Variants in PSD3 observed in about 807,000 individuals in gnomAD.
PSD3 encodes the protein PH and SEC7 domain-containing protein 3.
PSD3 carries 49 observed loss-of-function variants against 105.5 expected under a neutral mutation model. The ratio of observed to expected loss-of-function variants is 0.46; its 90% CI spans 0.37 to 0.59. The LOEUF (loss-of-function observed/expected upper bound fraction) is 0.59, where lower values mean the gene tolerates loss of function less well. Among genes scored for constraint, PSD3 ranks in the 20% least tolerant of loss-of-function variants. PSD3 has a pLI of 0.00. For missense variants in PSD3, 1,561 were observed against 1,263.8 expected, an observed-to-expected ratio of 1.24 and a Z score of -3.57; for synonymous variants, 557 against 457.8, an observed-to-expected ratio of 1.22 and a Z score of -2.77.
intron 8 of PSD3, among the ~76,000 whole-genome samples, chr8:18,778,729 A>G (rs991654460): frequency 6.6e-6 from 1 of 151,816 alleles, no homozygotes; most frequent in African/African-American, 2.4e-5. Flanking sequence ...TAAAAATATA[A>G]TTTTTGACCT....
chr8:18,977,449 T>C (rs1000237912), intron 1 of PSD3, among the ~76,000 whole-genome samples: 2 of 152,102 alleles, frequency 1.3e-5, no homozygotes, highest in Non-Finnish European at 2.9e-5. Flanking sequence ...ACAGTCCCCC[T>C]GGCATATAGT....
At position 18,839,056 on chromosome 8, in the gene PSD3, C is replaced by A. The variant is rs570854835; in HGVS notation, c.1634+28618G>T. Among the ~76,000 whole-genome samples the A allele has an allele frequency of 5.3e-5, 8 of 151,676 alleles. No homozygotes were observed. The South Asian group carries it at 1.7e-3, about 32-fold the overall frequency. ...CTTTAAAACAAGCAGAAGGGAGAGG[C>A]CTTTAAAAAGGGAACTAAAGCTCCA... On this transcript the variant is annotated intron_variant, in intron 4 of 15. Transcript: ENST00000327040.
At chr8:18,852,500 T>C (rs1396419315) in intron 4 of PSD3, among the ~76,000 whole-genome samples, 5 of 152,218 alleles carry the variant, frequency 3.3e-5, no homozygotes, top group Non-Finnish European at 7.3e-5. Context: ...GGTACATGTG[T>C]ACACAATGCT....
chr8:19,059,505 T>C (rs1220709511), intron 1 of PSD3, among the ~76,000 whole-genome samples: 1 of 152,152 alleles, frequency 6.6e-6, no homozygotes, highest in African/African-American at 2.4e-5. Context: ...TCTAAACTTT[T>C]AGAAAAGTCT....
chr8:18,571,758 C>T (rs865900906), intron 14 of PSD3, among the ~76,000 whole-genome samples: 1 of 152,178 alleles, frequency 6.6e-6, no homozygotes, highest in East Asian at 1.9e-4. Context: ...TTAATACCAA[C>T]ACTTGGTCGA....
chr8:18,838,802 AAATAATAATAATAATAAT>A lies in PSD3; in HGVS notation c.1634+28854_1634+28871del, dbSNP rs55792203. Reference sequence around the variant, plus strand: ...GGGTGACAGAGCGAGACTCCGTCTCAAATAATAATAATAATAATAATAATAATAATAATAATAATAATA... The same window carrying A: ...GGGTGACAGAGCGAGACTCCGTCTCAAATAATAATAATAATAATAATAATA... On this transcript the variant is annotated intron_variant, in intron 4 of 15. Transcript: ENST00000327040. 1.1e-3 allele frequency among the ~76,000 whole-genome samples: 143 copies of A among 131,858 alleles called. 1 individual carries two copies. The South Asian group carries it at 0.027, about 25-fold the overall frequency. The allele number at this position is 131,858 out of a possible 152,430, so 86.5% of individuals were successfully genotyped here. A position where few individuals can be genotyped will look rare whatever the true frequency, so the allele number is the denominator to read the frequency against.
At chr8:18,537,230 C>T (rs1799895911) in intron 15 of PSD3, among the ~76,000 whole-genome samples, 1 of 152,150 alleles carries the variant, frequency 6.6e-6, no homozygotes, top group Admixed American at 6.5e-5. Flanking sequence ...TATTCATACA[C>T]AACTGATAAC....
intron 4 of PSD3, among the ~76,000 whole-genome samples, chr8:18,823,850 T>C (rs1812954452): frequency 6.6e-6 from 1 of 151,468 alleles, no homozygotes; most frequent in Non-Finnish European, 1.5e-5. Context: ...CCTAATACGC[T>C]GACAAGGCGG....
At chr8:18,844,909 A>G (rs1181029272) in intron 4 of PSD3, among the ~76,000 whole-genome samples, 2 of 152,222 alleles carry the variant, frequency 1.3e-5, no homozygotes, top group Non-Finnish European at 2.9e-5. Flanking sequence ...TGTTTCATAC[A>G]AAGCTGGTTA....
chr8:18,649,998 A>T (rs748767247), intron 10 of PSD3, among the ~76,000 whole-genome samples: 3 of 152,212 alleles, frequency 2.0e-5, no homozygotes, highest in Admixed American at 6.5e-5. Context: ...TTTTGTTTAC[A>T]AATTACCCAG....
intron 2 of PSD3, among the ~76,000 whole-genome samples, chr8:18,875,076 G>A (rs938260849): frequency 1.3e-5 from 2 of 152,252 alleles, no homozygotes; most frequent in African/African-American, 2.4e-5. Context: ...GCACCATCAT[G>A]TCCAGCTAAC....
chr8:18,757,479 C>A (rs1355862757), intron 9 of PSD3, among the ~76,000 whole-genome samples: 1 of 152,040 alleles, frequency 6.6e-6, no homozygotes, highest in African/African-American at 2.4e-5. Context: ...AACAAACAAA[C>A]AAACATTAAC....
intron 14 of PSD3, among the ~76,000 whole-genome samples, chr8:18,556,624 C>A (rs937977192): frequency 6.6e-6 from 1 of 152,122 alleles, no homozygotes; most frequent in Admixed American, 6.6e-5. Flanking sequence ...GGTGTAAATG[C>A]CCCTGAGTTG....
rs182024337 is a variant in PSD3, at chr8:18,604,624, T to C, written c.2411-4190A>G. Among the ~76,000 whole-genome samples, 15 of 152,294 alleles carry C rather than the reference T, an allele frequency of 9.8e-5. No homozygotes were observed. In the Middle Eastern group the frequency reaches 0.01, roughly 104 times the overall value. ...TAAATTAAAAAGAAGCCAAGTGCTA[T>C]TAGCCAAGACAATGGGGACACGGCC... On this transcript the variant is annotated intron_variant, in intron 11 of 15. Coordinates refer to ENST00000327040, the MANE Select transcript of PSD3 (RefSeq NM_015310.4).
intron 1 of PSD3, among the ~76,000 whole-genome samples, chr8:19,061,165 A>G (rs1268230757): frequency 1.3e-5 from 2 of 152,212 alleles, no homozygotes; most frequent in African/African-American, 2.4e-5. Flanking sequence ...AAAAAGAAAT[A>G]TATAAAATCG....
chr8:18,995,789 T>C (rs544986011), intron 1 of PSD3, among the ~76,000 whole-genome samples: 1 of 151,986 alleles, frequency 6.6e-6, no homozygotes, highest in Admixed American at 6.6e-5. Flanking sequence ...CCATCAGATC[T>C]CGTGAGACTT....
chr8:18,911,696 A>G (rs1369170840), intron 2 of PSD3, among the ~76,000 whole-genome samples: 1 of 152,232 alleles, frequency 6.6e-6, no homozygotes, highest in East Asian at 1.9e-4. Context: ...CTTTCCAAAC[A>G]GCATTTTCAT....
intron 9 of PSD3, among the ~76,000 whole-genome samples, chr8:18,759,545 G>C (rs367957391): frequency 2.4e-4 from 37 of 152,094 alleles, no homozygotes; most frequent in African/African-American, 8.9e-4. Context: ...ACTCTCCCTT[G>C]GTACTTACTG....
intron 1 of PSD3, among the ~76,000 whole-genome samples, chr8:19,078,474 C>CA (rs1354608676): frequency 3.3e-5 from 5 of 152,052 alleles, no homozygotes; most frequent in Admixed American, 1.3e-4. Context: ...ACAAAGCAAT[C>CA]ACTTTCCACT....
Sources: gnomAD v4.1 joint callset for allele counts (sites outside exome capture counted in the v4.1 genomes callset) on GRCh38, gnomAD v4.1.1 for gene constraint, MANE v1.5 for transcripts, NCBI Gene and HGNC (gene_info 2026-07-23, HGNC 2026-07-21) for gene names.